The following ENPP2 variants were observed in gnomAD, a reference collection of about 807,000 sequenced individuals.
ENPP2 encodes the protein ectonucleotide pyrophosphatase/phosphodiesterase 2, also known as autotaxin.
A neutral mutation model predicts 120.2 loss-of-function variants in ENPP2; 51 were observed. That is an observed-to-expected ratio of 0.42 (90% CI 0.34 to 0.54). The LOEUF (loss-of-function observed/expected upper bound fraction) is 0.54, where lower values mean the gene tolerates loss of function less well. Among genes scored for constraint, ENPP2 ranks in the 20% least tolerant of loss-of-function variants. ENPP2 has a pLI of 0.04. For synonymous variants in ENPP2, 365 were observed against 366.4 expected (o/e 1.00, Z 0.04); for missense variants, 920 against 1,066.5 (o/e 0.86, Z 1.91).
chr8:119,635,935 T>C (rs905555240), intron 2 of ENPP2, among the ~76,000 whole-genome samples: 3 of 152,204 alleles, frequency 2.0e-5, no homozygotes, highest in African/African-American at 7.2e-5. Context: ...TCAGCTATTG[T>C]TGAGGACTCT....
Position 119,590,554 on chromosome 8 carries a change from C to A in ENPP2, c.1158G>T (p.Val386=). ...YLTNVDDITL[V]PGTLGRIRSK... ...ATCGAATTCTTCCTAGAGTTCCAGG[C>A]ACTAAAGTAATATCATCCACATTAG... Residue 386 remains valine (V), a synonymous_variant, in exon 13 of 25, where the codon GTG becomes GTT. Transcript: ENST00000075322. 1 of 1,597,592 alleles carries A rather than the reference C, an allele frequency of 6.3e-7. No individual in the cohort carries two copies. Among genetic ancestry groups the A allele is most frequent in the Non-Finnish European group, 8.5e-7 (1 of 1,171,816 alleles).
At chr8:119,626,965 T>C (rs900811652) in intron 2 of ENPP2, among the ~76,000 whole-genome samples, 1 of 152,132 alleles carries the variant, frequency 6.6e-6, no homozygotes, top group African/African-American at 2.4e-5. Flanking sequence ...AATGAATCAA[T>C]CCATGTAAAA....
chr8:119,645,082 A>G lies in ENPP2; in HGVS notation c.22-6555T>C, dbSNP rs116385863. Among the ~76,000 whole-genome samples the G allele has an allele frequency of 9.6e-3, 1,455 of 152,290 alleles. 23 individuals are homozygous for G. The highest frequency in any genetic ancestry group is 0.033 in the African/African-American group (1,378 of 41,556). On this transcript the variant is annotated intron_variant, in intron 1 of 25. Coordinates refer to the ENPP2 transcript ENST00000427067. Reference sequence around the variant, plus strand: ...TATTTTACCCTCCAGTCTCACTCACATAGGCAGGCTACAAACTCCACTTGC... The same window carrying G: ...TATTTTACCCTCCAGTCTCACTCACGTAGGCAGGCTACAAACTCCACTTGC...
At chr8:119,646,717 A>G (rs575741186) in intron 1 of ENPP2, among the ~76,000 whole-genome samples, 5 of 152,324 alleles carry the variant, frequency 3.3e-5, no homozygotes, top group African/African-American at 1.2e-4. Flanking sequence ...CACCTAGCAC[A>G]ATGCCCAGCA....
intron 24 of ENPP2, among the ~76,000 whole-genome samples, chr8:119,559,956 C>T (rs527400112): frequency 2.0e-5 from 3 of 152,194 alleles, no homozygotes; most frequent in Non-Finnish European, 2.9e-5. Context: ...TGCCTCCAGA[C>T]TCTGTGCAGA....
At chr8:119,589,417 G>GT (rs368246343) in intron 13 of ENPP2, among the ~76,000 whole-genome samples, 31 of 151,518 alleles carry the variant, frequency 2.0e-4, no homozygotes, top group Non-Finnish European at 2.9e-4. Flanking sequence ...CCATGGGAAG[G>GT]TTTTTTTTTC....
At chr8:119,636,901 C>T (rs1457334498) in intron 2 of ENPP2, among the ~76,000 whole-genome samples, 1 of 152,048 alleles carries the variant, frequency 6.6e-6, no homozygotes, top group East Asian at 1.9e-4. Context: ...AGTTACAGGA[C>T]TCCAGGGTAC....
chr8:119,576,593 T>A (rs1812358619), intron 19 of ENPP2, among the ~76,000 whole-genome samples: 1 of 152,214 alleles, frequency 6.6e-6, no homozygotes, highest in Admixed American at 6.5e-5. Context: ...TTTATAGCAA[T>A]GTAAATAGAG....
intron 18 of ENPP2, chr8:119,580,867 G>A (rs563596590): frequency 6.6e-6 from 1 of 152,132 alleles, no homozygotes; most frequent in South Asian, 2.1e-4. Context: ...AATAATTGCA[G>A]GATACATATA....
chr8:119,562,905 C>A lies in ENPP2; in HGVS notation c.2373G>T (p.Val791=). The change falls in exon 24 of 25, where the codon GTG becomes GTT. Residue 791 remains valine (V), a synonymous_variant. Transcript: ENST00000075322. The part of the protein sequence containing the change: ...PADKCDGPLS[V]SSFILPHRPD... ...GCCGGTGAGGCAGGATGAAGGAGGA[C>A]ACAGAGAGAGGGCCGTCACACTTGT... 1 of 1,614,150 alleles carries A rather than the reference C, an allele frequency of 6.2e-7. No individual in the cohort carries two copies. The highest frequency in any genetic ancestry group is 8.5e-7 in the Non-Finnish European group (1 of 1,180,018).
chr8:119,580,242 G>T, intron 18 of ENPP2, 75 bp from the exon 19 acceptor site: 2 of 1,132,674 alleles, frequency 1.8e-6, no homozygotes, highest in South Asian at 1.2e-5. Context: ...CCCTTCTGTC[G>T]ACTTAGCACC....
At chr8:119,570,011 G>A (rs1226887739) in intron 20 of ENPP2, among the ~76,000 whole-genome samples, 2 of 152,120 alleles carry the variant, frequency 1.3e-5, no homozygotes, top group African/African-American at 4.8e-5. Context: ...GCTCATGCCT[G>A]TAATCCCAGC....
intron 19 of ENPP2, among the ~76,000 whole-genome samples, chr8:119,575,311 GT>G (rs769349093): frequency 1.6e-4 from 25 of 152,090 alleles, no homozygotes; most frequent in Admixed American, 3.9e-4. Context: ...TGGCCGCTGG[GT>G]TATTTCATGG....
intron 1 of ENPP2, among the ~76,000 whole-genome samples, chr8:119,649,913 G>C (rs1049749625): frequency 6.6e-6 from 1 of 152,156 alleles, no homozygotes; most frequent in African/African-American, 2.4e-5. Context: ...CTGTTAGGAA[G>C]GATGTGGAAA....
intron 1 of ENPP2, among the ~76,000 whole-genome samples, chr8:119,671,734 C>T (rs1044429864): frequency 2.0e-5 from 3 of 152,064 alleles, no homozygotes; most frequent in African/African-American, 4.8e-5. Context: ...GATTAGGCTA[C>T]GTTTGGGAGA....
intron 12 of ENPP2, among the ~76,000 whole-genome samples, chr8:119,590,961 A>T (rs1361241815): frequency 6.8e-6 from 1 of 146,908 alleles, no homozygotes; most frequent in African/African-American, 2.5e-5. Flanking sequence ...AAACATAACT[A>T]TTGACAGAGT....
chr8:119,616,438 A>T, intron 7 of ENPP2, 54 bp from the exon 8 acceptor site: 1 of 1,359,102 alleles, frequency 7.4e-7, no homozygotes, highest in East Asian at 2.3e-5. Context: ...ATCCACATAC[A>T]TTAGTTCTAG....
chr8:119,659,910 G>A (rs1295817861), intron 1 of ENPP2, among the ~76,000 whole-genome samples: 1 of 152,054 alleles, frequency 6.6e-6, no homozygotes, highest in Non-Finnish European at 1.5e-5. Flanking sequence ...TAAATATCAG[G>A]GGTAACAATA....
At position 119,621,506 on chromosome 8, in the gene ENPP2, C is replaced by G; in HGVS notation, c.306G>C (p.Glu102Asp). The stretch of plus-strand genomic sequence containing the variant: ...CTTCTCCACATCTGTCCTTAGTACA[C>G]TCCCAGCCACGGGCTAAAATCATCC... ...ELCLKTARGW[E>D]CTKDRCGEVR... Residue 102 changes from glutamate to aspartate, a missense_variant, in exon 4 of 25, where the codon GAG becomes GAC. By Grantham distance (45) the Glu-to-Asp change is conservative (BLOSUM62 2). Transcript: ENST00000075322. The G allele has an allele frequency of 6.2e-7, 1 of 1,613,402 alleles. No homozygotes were observed. Among genetic ancestry groups the G allele is most frequent in the South Asian group, 1.1e-5 (1 of 91,060 alleles).
Sources: allele counts gnomAD v4.1 joint callset (sites outside exome capture counted in the v4.1 genomes callset), GRCh38; gene constraint gnomAD v4.1.1; transcripts MANE v1.5; gene names NCBI Gene and HGNC (gene_info 2026-07-23, HGNC 2026-07-21).